The following FA2H variants were observed in gnomAD, a reference collection of about 807,000 sequenced individuals.
FA2H encodes fatty acid alpha-hydroxylase.
In FA2H, 22 loss-of-function variants were observed where a neutral mutation model predicts 44.9. That is an observed-to-expected ratio of 0.49 (90% CI 0.35 to 0.70). FA2H has a LOEUF of 0.70. Ranked by LOEUF, FA2H falls within the 30% of genes least tolerant of loss-of-function variation. The pLI, the probability that FA2H is intolerant of heterozygous loss-of-function variation, is 0.01. For synonymous variants in FA2H, 243 were observed against 213.2 expected, an observed-to-expected ratio of 1.14 and a Z score of -1.22; for missense variants, 501 against 504.9, an observed-to-expected ratio of 0.99 and a Z score of 0.07.
intron 2 of FA2H, 21 bp downstream of exon 2, chr16:74,740,001 CA>C: frequency 6.4e-7 from 1 of 1,572,766 alleles, no homozygotes; most frequent in Non-Finnish European, 8.8e-7. Flanking sequence ...GTCATCACCC[CA>C]CTCCATCCTA....
intron 1 of FA2H, among the ~76,000 whole-genome samples, chr16:74,749,476 G>A (rs963446811): frequency 1.3e-5 from 2 of 152,124 alleles, no homozygotes; most frequent in African/African-American, 4.8e-5. Context: ...ACCTGTGCCT[G>A]AGCTGTGACC....
intron 5 of FA2H, among the ~76,000 whole-genome samples, chr16:74,718,267 T>C (rs997461461): frequency 1.3e-5 from 2 of 152,180 alleles, no homozygotes; most frequent in African/African-American, 4.8e-5. Context: ...TGCCATATTT[T>C]CTCTGATTTA....
chr16:74,752,556 T>C (rs978390332), intron 1 of FA2H, among the ~76,000 whole-genome samples: 3 of 152,200 alleles, frequency 2.0e-5, no homozygotes, highest in Admixed American at 2.0e-4. Context: ...AATGTTTCTA[T>C]TCTATTGCAT....
intron 2 of FA2H, among the ~76,000 whole-genome samples, chr16:74,728,047 T>C (rs1961995129): frequency 6.6e-6 from 1 of 152,240 alleles, no homozygotes; most frequent in African/African-American, 2.4e-5. Context: ...AAGTCAGGCC[T>C]GGGTACAAAT....
chr16:74,749,191 T>C (rs1017320938), intron 1 of FA2H, among the ~76,000 whole-genome samples: 3 of 152,212 alleles, frequency 2.0e-5, no homozygotes, highest in African/African-American at 7.2e-5. Context: ...AGCTTTCGGC[T>C]GAAATGAAGG....
chr16:74,721,340 G>T (rs1409028039), intron 4 of FA2H, among the ~76,000 whole-genome samples: 1 of 152,080 alleles, frequency 6.6e-6, no homozygotes, highest in Non-Finnish European at 1.5e-5. Flanking sequence ...ACTAATTTTT[G>T]TATTTTTAGT....
chr16:74,740,925 G>A (rs962636776), intron 1 of FA2H, among the ~76,000 whole-genome samples: 85 of 152,280 alleles, frequency 5.6e-4, no homozygotes, highest in African/African-American at 1.9e-3. Flanking sequence ...AAGAAAGAAA[G>A]GCAGCAGGGA....
At chr16:74,764,513 A>G (rs1962770606) in intron 1 of FA2H, among the ~76,000 whole-genome samples, 3 of 152,196 alleles carry the variant, frequency 2.0e-5, no homozygotes, top group African/African-American at 7.2e-5. Flanking sequence ...TGGGAGCTAA[A>G]TGATGAGAAT....
At position 74,774,495 on chromosome 16, in the gene FA2H, C is replaced by T. The variant is rs1353877579; in HGVS notation, c.261G>A (p.Gly87=). The T allele has an allele frequency of 6.6e-7, 1 of 1,517,624 alleles. No homozygotes were observed. Among genetic ancestry groups the T allele is most frequent in the East Asian group, 2.6e-5 (1 of 39,078 alleles). 94.0% of individuals were successfully genotyped at this position (1,517,624 alleles called of 1,614,324 possible). ...CCCGGCCCGGCTGTACCTGCTGCTC[C>T]CCGCGGAGCTCTCCCACGTAGTACT... is the stretch of plus-strand genomic sequence containing the variant. ...LEQYYVGELR[G]EQQGSMENEP... The change falls in exon 1 of 7, where the codon GGG becomes GGA. Residue 87 remains glycine, a synonymous_variant. Coordinates refer to ENST00000219368, the MANE Select transcript of FA2H (RefSeq NM_024306.5).
At chr16:74,756,453 C>T in intron 1 of FA2H, among the ~76,000 whole-genome samples, 1 of 152,134 alleles carries the variant, frequency 6.6e-6, no homozygotes, top group East Asian at 1.9e-4. Context: ...AGCCACATGA[C>T]CTCAGGGCCC....
intron 1 of FA2H, among the ~76,000 whole-genome samples, chr16:74,765,601 C>G (rs545716152): frequency 3.9e-5 from 6 of 152,296 alleles, no homozygotes; most frequent in African/African-American, 1.2e-4. Context: ...GGGTCTCACT[C>G]TGCTGCCCAG....
intron 1 of FA2H, among the ~76,000 whole-genome samples, chr16:74,750,761 CTG>C (rs55799456): frequency 0.23 from 31,848 of 141,544 alleles, 3,777 homozygotes; most frequent in East Asian, 0.39. Flanking sequence ...TTTTTTTTCA[CTG>C]TGTGTGTGTG....
Position 74,774,584 on chromosome 16 carries a change from T to C in FA2H, c.172A>G (p.Ile58Val). ...QLLRARAGQD[I>V]SADLDGPPHR... ...GGCGGCCCGTCCAGGTCGGCGCTGA[T>C]GTCCTGGCCCGCCCTGGCCCGCAGC... is the stretch of plus-strand genomic sequence containing the variant. Residue 58 changes from isoleucine (I) to valine (V), a missense_variant, in exon 1 of 7, where the codon ATC becomes GTC. Coordinates refer to ENST00000219368, the MANE Select transcript of FA2H (RefSeq NM_024306.5). The C allele has an allele frequency of 1.3e-6, 2 of 1,535,068 alleles. No individual in the cohort carries two copies. The highest frequency in any genetic ancestry group is 1.4e-5 in the African/African-American group (1 of 71,368).
At chr16:74,740,250 G>T in intron 1 of FA2H, 135 bp from the exon 2 acceptor site, 2 of 736,836 alleles carry the variant, frequency 2.7e-6, no homozygotes, top group South Asian at 1.4e-5. Flanking sequence ...GATCAAGGAC[G>T]CTGGGTACTT....
At position 74,774,633 on chromosome 16, in the gene FA2H, C is replaced by G; in HGVS notation, c.123G>C (p.Arg41=). ...GCAGCTGCTCGCCCCCCGGGTGGTG[C>G]CGCACGAAGCTGGAGAGGTCGTAGA... The part of the protein sequence containing the change: ...ARLYDLSSFV[R]HHPGGEQLLR... The change falls in exon 1 of 7, where the codon CGG becomes CGC. Residue 41 remains arginine (R), a synonymous_variant. Transcript: ENST00000219368. 2 of 1,513,668 alleles carry G rather than the reference C, an allele frequency of 1.3e-6. No individual in the cohort carries two copies. The highest frequency in any genetic ancestry group is 5.4e-5 in the East Asian group (2 of 37,258). The allele number at this position is 1,513,668 out of a possible 1,614,324, so 93.8% of individuals were successfully genotyped here. A position where few individuals can be genotyped will look rare whatever the true frequency, so the allele number is the denominator to read the frequency against.
intron 1 of FA2H, among the ~76,000 whole-genome samples, chr16:74,773,401 CTG>C (rs1345028866): frequency 1.3e-5 from 2 of 152,154 alleles, no homozygotes; most frequent in Non-Finnish European, 2.9e-5. Flanking sequence ...TCGGTACTAT[CTG>C]TGGTTTTAAG....
At chr16:74,738,030 T>G (rs1189788557) in intron 2 of FA2H, among the ~76,000 whole-genome samples, 1 of 152,158 alleles carries the variant, frequency 6.6e-6, no homozygotes, top group Non-Finnish European at 1.5e-5. Context: ...AAAAGCACCC[T>G]CTGCCCTCCT....
intron 1 of FA2H, 107 bp downstream of exon 1, chr16:74,774,379 A>C (rs1962967653): frequency 4.5e-6 from 5 of 1,116,374 alleles, no homozygotes; most frequent in Non-Finnish European, 3.6e-6. Flanking sequence ...GGGAGGGCAG[A>C]AGCTGTCACC....
In FA2H at chr16:74,747,790, G is replaced by C. The variant is rs551373068; in HGVS notation, c.271-7675C>G. Among the ~76,000 whole-genome samples the C allele has an allele frequency of 1.8e-4, 27 of 152,258 alleles. No homozygotes were observed. In the South Asian group the frequency reaches 5.6e-3, roughly 32 times the overall value. On this transcript the variant is annotated intron_variant, in intron 1 of 6. Coordinates refer to ENST00000219368, the MANE Select transcript of FA2H (RefSeq NM_024306.5). ...TGCTCTCAGACTTCTGGCCTCCAGA[G>C]CTGCGAGACAATACATTTCTGTTGT...
Sources: allele counts gnomAD v4.1 joint callset (sites outside exome capture counted in the v4.1 genomes callset), GRCh38; gene constraint gnomAD v4.1.1; transcripts MANE v1.5; gene names NCBI Gene and HGNC (gene_info 2026-07-23, HGNC 2026-07-21).